The following CNTNAP2 variants were observed in gnomAD, a reference collection of about 807,000 sequenced individuals.
The protein encoded by CNTNAP2 is contactin-associated protein-like 2.
CNTNAP2 carries 98 observed loss-of-function variants against 155.2 expected under a neutral mutation model. The ratio of observed to expected loss-of-function variants is 0.63; its 90% CI spans 0.54 to 0.75. The LOEUF (loss-of-function observed/expected upper bound fraction) is 0.75. CNTNAP2 is among the 30% of genes least tolerant of loss of function. The pLI, the probability that CNTNAP2 is intolerant of heterozygous loss-of-function variation, is 0.00. For synonymous variants in CNTNAP2, 651 were observed against 631.2 expected (o/e 1.03, Z -0.47); for missense variants, 1,727 against 1,688.1 (o/e 1.02, Z -0.40).
intron 10 of CNTNAP2, among the ~76,000 whole-genome samples, chr7:147,447,873 T>C (rs1584953698): frequency 6.6e-6 from 1 of 152,088 alleles, no homozygotes; most frequent in Non-Finnish European, 1.5e-5. Context: ...ATATGGCTAG[T>C]ATCAAGAAAG....
At chr7:146,988,300 A>T (rs998906945) in intron 3 of CNTNAP2, among the ~76,000 whole-genome samples, 5 of 152,112 alleles carry the variant, frequency 3.3e-5, no homozygotes, top group African/African-American at 1.2e-4. Flanking sequence ...AAACCTGGTT[A>T]AAATGGCTTT....
At chr7:146,145,401 C>G (rs559676961) in intron 1 of CNTNAP2, among the ~76,000 whole-genome samples, 2 of 152,234 alleles carry the variant, frequency 1.3e-5, no homozygotes, top group South Asian at 4.1e-4. Context: ...TATCCCAAAC[C>G]AAACTGGGGT....
intron 11 of CNTNAP2, 71 bp from the exon 12 acceptor site, chr7:147,562,067 C>A: frequency 6.2e-7 from 1 of 1,600,214 alleles, no homozygotes; most frequent in African/African-American, 1.3e-5. Context: ...TTGCAATATG[C>A]CACTGGGACA....
At chr7:147,042,727 T>C (rs1799283825) in intron 3 of CNTNAP2, among the ~76,000 whole-genome samples, 1 of 152,158 alleles carries the variant, frequency 6.6e-6, no homozygotes. Context: ...TGTTGCATCT[T>C]TTCATGATTT....
chr7:148,278,042 C>T (rs1050720786), intron 21 of CNTNAP2, among the ~76,000 whole-genome samples: 11 of 152,290 alleles, frequency 7.2e-5, no homozygotes, highest in African/African-American at 2.6e-4. Context: ...ACTTTCCAGG[C>T]CTTTGGTCTT....
At chr7:147,844,991 G>T (rs1449732642) in intron 13 of CNTNAP2, among the ~76,000 whole-genome samples, 67 of 129,876 alleles carry the variant, frequency 5.2e-4, no homozygotes, top group Admixed American at 7.6e-4. Flanking sequence ...GCTGGATTCG[G>T]TTTGCCAGTA....
intron 10 of CNTNAP2, among the ~76,000 whole-genome samples, chr7:147,465,558 A>G (rs1379946165): frequency 1.3e-5 from 2 of 152,220 alleles, no homozygotes; most frequent in Non-Finnish European, 1.5e-5. Context: ...AACATTTTTT[A>G]TATGTCTAAA....
intron 12 of CNTNAP2, among the ~76,000 whole-genome samples, chr7:147,590,775 G>C (rs1213331158): frequency 6.6e-6 from 1 of 152,166 alleles, no homozygotes. Flanking sequence ...GTAGATGCTG[G>C]TGGTAGGAGG....
chr7:146,276,232 A>G (rs1187137026), intron 1 of CNTNAP2, among the ~76,000 whole-genome samples: 1 of 152,222 alleles, frequency 6.6e-6, no homozygotes. Flanking sequence ...AGAACCAGAC[A>G]TTTATTTGCT....
intron 1 of CNTNAP2, among the ~76,000 whole-genome samples, chr7:146,728,913 A>G (rs1335175854): frequency 6.6e-6 from 1 of 152,208 alleles, no homozygotes; most frequent in African/African-American, 2.4e-5. Context: ...TATATTTAGC[A>G]TAGATCAACT....
chr7:147,995,532 GT>G (rs1554459559), intron 15 of CNTNAP2, among the ~76,000 whole-genome samples: 8,220 of 81,660 alleles, frequency 0.1, 280 homozygotes, highest in South Asian at 0.21. Context: ...TTCTTTTGTT[GT>G]TTTTTTTTTT....
At chr7:146,994,377 T>C (rs1365434843) in intron 3 of CNTNAP2, among the ~76,000 whole-genome samples, 1 of 152,148 alleles carries the variant, frequency 6.6e-6, no homozygotes, top group Non-Finnish European at 1.5e-5. Flanking sequence ...ACTGTTAAAG[T>C]TCTCATTTCC....
intron 8 of CNTNAP2, among the ~76,000 whole-genome samples, chr7:147,266,233 A>G (rs1253132393): frequency 6.6e-6 from 1 of 152,210 alleles, no homozygotes; most frequent in African/African-American, 2.4e-5. Context: ...GCTAAGGACC[A>G]CGATAAAAGG....
At chr7:146,422,657 A>G (rs1796029447) in intron 1 of CNTNAP2, among the ~76,000 whole-genome samples, 1 of 152,030 alleles carries the variant, frequency 6.6e-6, no homozygotes, top group Admixed American at 6.6e-5. Context: ...TAACTAATTT[A>G]TTGATTTTGG....
intron 1 of CNTNAP2, among the ~76,000 whole-genome samples, chr7:146,138,656 A>C (rs376712259): frequency 6.6e-6 from 1 of 152,092 alleles, no homozygotes; most frequent in Admixed American, 6.6e-5. Context: ...ATCTCTAAGA[A>C]TATATGTGTT....
chr7:146,588,092 T>C (rs1798724420), intron 1 of CNTNAP2, among the ~76,000 whole-genome samples: 1 of 152,038 alleles, frequency 6.6e-6, no homozygotes, highest in African/African-American at 2.4e-5. Flanking sequence ...GGATTCACGT[T>C]GCCATATAGA....
At chr7:146,451,487 T>A (rs1465133363) in intron 1 of CNTNAP2, among the ~76,000 whole-genome samples, 1 of 152,136 alleles carries the variant, frequency 6.6e-6, no homozygotes, top group Non-Finnish European at 1.5e-5. Context: ...GCCAGCTCCA[T>A]GGGGATGCGA....
chr7:146,391,151 A>T (rs1045500444), intron 1 of CNTNAP2, among the ~76,000 whole-genome samples: 3 of 148,580 alleles, frequency 2.0e-5, no homozygotes, highest in Non-Finnish European at 3.0e-5. Flanking sequence ...TATATATATA[A>T]AATAGGCTGG....
intron 1 of CNTNAP2, among the ~76,000 whole-genome samples, chr7:146,759,306 G>A (rs1166530258): frequency 1.3e-5 from 2 of 152,130 alleles, no homozygotes. Context: ...AGTGTCAGCA[G>A]TGATCTAAAA....
Sources: gnomAD v4.1 joint callset for allele counts (sites outside exome capture counted in the v4.1 genomes callset) on GRCh38, gnomAD v4.1.1 for gene constraint, MANE v1.5 for transcripts, NCBI Gene and HGNC (gene_info 2026-07-23, HGNC 2026-07-21) for gene names.